ARHGAP24: variants seen among roughly 807,000 people sequenced by gnomAD.
The protein encoded by ARHGAP24 is Rho GTPase activating protein 24.
In ARHGAP24, 50 loss-of-function variants were observed where a neutral mutation model predicts 76.4. The observed-to-expected ratio is 0.65, with a 90% CI of 0.52 to 0.83. ARHGAP24 has a LOEUF of 0.83. Among genes scored for constraint, ARHGAP24 ranks in the 40% least tolerant of loss-of-function variants. The probability of loss-of-function intolerance (pLI) is 0.00; values close to 1 mark genes in which losing one functional copy is unlikely to be tolerated. For missense variants in ARHGAP24, 930 were observed against 914.2 expected (o/e 1.02, Z -0.22); for synonymous variants, 345 against 323.3 (o/e 1.07, Z -0.72).
intron 1 of ARHGAP24, among the ~76,000 whole-genome samples, chr4:85,495,471 C>T (rs1299340414): frequency 6.7e-6 from 1 of 149,992 alleles, no homozygotes; most frequent in African/African-American, 2.5e-5. Flanking sequence ...CTGCCTCAGC[C>T]TCCCGAGTAG....
In ARHGAP24 at chr4:85,874,849, AT is replaced by A. The variant is rs1732751882; in HGVS notation, c.269-48796del. On this transcript the variant is annotated intron_variant, in intron 3 of 9. Transcript: ENST00000395184. ...TATATATAAAATATATTTTTATATA[AT>A]TTATATATAAATATATTTTTATATA... is the stretch of plus-strand genomic sequence containing the variant. 2.7e-5 allele frequency among the ~76,000 whole-genome samples: 3 copies of A among 109,204 alleles called. 1 individual carries two copies. Among genetic ancestry groups the A allele is most frequent in the African/African-American group, 1.2e-4 (3 of 25,736 alleles). 71.6% of individuals were successfully genotyped at this position (109,204 alleles called of 152,430 possible).
chr4:85,950,940 A>T (rs961643023), intron 5 of ARHGAP24, among the ~76,000 whole-genome samples: 1 of 152,090 alleles, frequency 6.6e-6, no homozygotes, highest in Non-Finnish European at 1.5e-5. Context: ...CGGCCTCCCA[A>T]AGTGCTAGGA....
At chr4:85,513,901 A>G (rs1214260992) in intron 1 of ARHGAP24, among the ~76,000 whole-genome samples, 20 of 152,250 alleles carry the variant, frequency 1.3e-4, no homozygotes, top group Non-Finnish European at 4.4e-5. Context: ...CAGTTGCAGT[A>G]TCTTCACTTG....
chr4:85,912,544 G>T (rs1735148723), intron 3 of ARHGAP24, among the ~76,000 whole-genome samples: 1 of 152,062 alleles, frequency 6.6e-6, no homozygotes, highest in African/African-American at 2.4e-5. Flanking sequence ...GAATAATTTA[G>T]TTTTGTGCTA....
intron 2 of ARHGAP24, among the ~76,000 whole-genome samples, chr4:85,717,046 A>G (rs1323907598): frequency 2.6e-5 from 4 of 152,154 alleles, no homozygotes; most frequent in South Asian, 2.1e-4. Flanking sequence ...TAGAGTGAGG[A>G]GTGGAGAGAA....
chr4:85,923,365 G>A (rs1456224674), intron 3 of ARHGAP24, among the ~76,000 whole-genome samples: 1 of 152,130 alleles, frequency 6.6e-6, no homozygotes, highest in Non-Finnish European at 1.5e-5. Context: ...TGAATAGATT[G>A]GATTACGAAT....
chr4:85,677,550 A>G (rs1265047341), intron 2 of ARHGAP24, among the ~76,000 whole-genome samples: 5 of 152,244 alleles, frequency 3.3e-5, no homozygotes, highest in African/African-American at 1.2e-4. Context: ...AACCATGAAC[A>G]GTTATGAGTC....
intron 2 of ARHGAP24, among the ~76,000 whole-genome samples, chr4:85,597,161 A>G (rs1719869875): frequency 6.6e-6 from 1 of 152,136 alleles, no homozygotes; most frequent in Non-Finnish European, 1.5e-5. Context: ...ACATGTTAGA[A>G]ATCAAGCTTA....
chr4:85,744,295 G>C (rs1167924649), intron 3 of ARHGAP24, among the ~76,000 whole-genome samples: 4 of 152,170 alleles, frequency 2.6e-5, no homozygotes, highest in Admixed American at 1.3e-4. Context: ...GAGAGGCAAG[G>C]AGTCTGGCTT....
At chr4:85,720,258 TATA>T (rs36119786) in intron 2 of ARHGAP24, among the ~76,000 whole-genome samples, 109,862 of 151,024 alleles carry the variant, frequency 0.73, 40,734 homozygotes, top group Non-Finnish European at 0.82. Context: ...GAACTTAAAG[TATA>T]ATAATAATAA....
chr4:85,580,400 C>A (rs1164473170), intron 2 of ARHGAP24, among the ~76,000 whole-genome samples: 1 of 152,060 alleles, frequency 6.6e-6, no homozygotes, highest in East Asian at 1.9e-4. Flanking sequence ...ACAAAAATAA[C>A]CTATCTTGTC....
chr4:85,992,354 G>C (rs886201872), intron 8 of ARHGAP24, among the ~76,000 whole-genome samples: 1 of 151,826 alleles, frequency 6.6e-6, no homozygotes, highest in Non-Finnish European at 1.5e-5. Flanking sequence ...AGATACAAGA[G>C]AGTTTAAATC....
At chr4:85,692,314 G>T (rs539680460) in intron 2 of ARHGAP24, among the ~76,000 whole-genome samples, 1 of 152,174 alleles carries the variant, frequency 6.6e-6, no homozygotes, top group East Asian at 1.9e-4. Context: ...CCTTGGGAAT[G>T]GTCATCTTAT....
At chr4:85,659,049 A>T (rs1722285016) in intron 2 of ARHGAP24, among the ~76,000 whole-genome samples, 1 of 152,162 alleles carries the variant, frequency 6.6e-6, no homozygotes, top group South Asian at 2.1e-4. Context: ...CTCTCCCAGG[A>T]ATATTTGACA....
At chr4:85,605,527 GATTATC>G (rs1720165540) in intron 2 of ARHGAP24, among the ~76,000 whole-genome samples, 1 of 152,172 alleles carries the variant, frequency 6.6e-6, no homozygotes, top group African/African-American at 2.4e-5. Context: ...TGATTAAATA[GATTATC>G]TTGCATTCAT....
At chr4:85,558,365 A>G (rs1250220752) in intron 1 of ARHGAP24, among the ~76,000 whole-genome samples, 1 of 152,212 alleles carries the variant, frequency 6.6e-6, no homozygotes, top group Non-Finnish European at 1.5e-5. Flanking sequence ...TGCTAATTAA[A>G]TGTATTCAGG....
intron 2 of ARHGAP24, among the ~76,000 whole-genome samples, chr4:85,696,089 A>T (rs2110021764): frequency 6.6e-6 from 1 of 152,254 alleles, no homozygotes; most frequent in East Asian, 1.9e-4. Flanking sequence ...TATGAACTAG[A>T]TTGGGAGTGC....
chr4:85,607,788 A>ACG (rs149881290), intron 2 of ARHGAP24, among the ~76,000 whole-genome samples: 37,320 of 143,358 alleles, frequency 0.26, 5,684 homozygotes, highest in East Asian at 0.77. Flanking sequence ...CAGGTGTTGG[A>ACG]GCCATAGCTA....
chr4:85,814,008 G>A (rs571574683), intron 3 of ARHGAP24, among the ~76,000 whole-genome samples: 1 of 151,786 alleles, frequency 6.6e-6, no homozygotes, highest in Non-Finnish European at 1.5e-5. Context: ...AAATGGCAGT[G>A]GCAAGAGAGA....
Sources: allele counts gnomAD v4.1 joint callset (sites outside exome capture counted in the v4.1 genomes callset), GRCh38; gene constraint gnomAD v4.1.1; transcripts MANE v1.5; gene names NCBI Gene and HGNC (gene_info 2026-07-23, HGNC 2026-07-21).